The following SLC35F1 variants were observed in gnomAD, a reference collection of about 807,000 sequenced individuals.
SLC35F1 encodes the protein solute carrier family 35 member F1.
In SLC35F1, 14 loss-of-function variants were observed where a neutral mutation model predicts 48.7. The observed-to-expected ratio is 0.29, with a 90% confidence interval of 0.19 to 0.45. The LOEUF (loss-of-function observed/expected upper bound fraction) is 0.45, where lower values mean the gene tolerates loss of function less well. Among genes scored for constraint, SLC35F1 ranks in the 20% least tolerant of loss-of-function variants. The pLI, the probability that SLC35F1 is intolerant of heterozygous loss-of-function variation, is 1.00. For synonymous variants in SLC35F1, 190 were observed against 202.2 expected (o/e 0.94, Z 0.51); for missense variants, 404 against 500.0 (o/e 0.81, Z 1.83).
chr6:118,069,692 A>C (rs1772670076), intron 1 of SLC35F1, among the ~76,000 whole-genome samples: 1 of 152,230 alleles, frequency 6.6e-6, no homozygotes, highest in African/African-American at 2.4e-5. Flanking sequence ...TTGCAGCAGA[A>C]ATAATTATAC....
chr6:118,151,928 G>A (rs933587805), intron 1 of SLC35F1, among the ~76,000 whole-genome samples: 2 of 151,440 alleles, frequency 1.3e-5, no homozygotes, highest in African/African-American at 2.4e-5. Context: ...TGTTGCCTAC[G>A]CCTCCTCTGC....
intron 2 of SLC35F1, among the ~76,000 whole-genome samples, chr6:118,231,854 G>A (rs1775296763): frequency 6.6e-6 from 1 of 152,072 alleles, no homozygotes; most frequent in East Asian, 1.9e-4. Flanking sequence ...CTGGGACAAG[G>A]GTCTGTGACT....
chr6:117,959,162 T>C (rs887962934), intron 1 of SLC35F1, among the ~76,000 whole-genome samples: 30 of 152,172 alleles, frequency 2.0e-4, no homozygotes, highest in African/African-American at 7.2e-4. Context: ...ATCAAGCTGA[T>C]CTAAATCATG....
intron 7 of SLC35F1, among the ~76,000 whole-genome samples, chr6:118,299,945 C>G (rs1031885791): frequency 1.1e-4 from 16 of 152,278 alleles, no homozygotes; most frequent in Middle Eastern, 3.4e-3. Flanking sequence ...TAGTACTTCT[C>G]TCATTAATTG....
chr6:118,009,464 T>A (rs933398192), intron 1 of SLC35F1, among the ~76,000 whole-genome samples: 1 of 152,110 alleles, frequency 6.6e-6, no homozygotes, highest in African/African-American at 2.4e-5. Context: ...TCTAAGGAAA[T>A]CTAAGTAGAA....
chr6:118,084,337 C>T (rs6938699), intron 1 of SLC35F1, among the ~76,000 whole-genome samples: 56,725 of 151,832 alleles, frequency 0.37, 10,967 homozygotes, highest in East Asian at 0.45. Flanking sequence ...TCTTTCATAT[C>T]AAATTGGAAT....
At chr6:118,019,599 G>A (rs1337617229) in intron 1 of SLC35F1, among the ~76,000 whole-genome samples, 1 of 152,022 alleles carries the variant, frequency 6.6e-6, no homozygotes, top group East Asian at 1.9e-4. Context: ...TCCAGCCTGG[G>A]TGACAGAGCA....
intron 1 of SLC35F1, among the ~76,000 whole-genome samples, chr6:118,095,994 GA>G (rs1773171146): frequency 6.6e-6 from 1 of 152,180 alleles, no homozygotes; most frequent in South Asian, 2.1e-4. Context: ...TACTTTGACA[GA>G]AGTAAGCTAA....
intron 1 of SLC35F1, among the ~76,000 whole-genome samples, chr6:118,027,942 G>A (rs927092357): frequency 1.3e-4 from 20 of 152,050 alleles, no homozygotes; most frequent in Admixed American, 9.2e-4. Flanking sequence ...TAACCCAAGG[G>A]GATTACAAAT....
chr6:118,281,204 C>CTCTATATATA (rs367855949), intron 6 of SLC35F1, among the ~76,000 whole-genome samples: 150 of 130,482 alleles, frequency 1.1e-3, no homozygotes, highest in South Asian at 7.8e-3. Flanking sequence ...CTCTCTCTCT[C>CTCTATATATA]TATATATATA....
In SLC35F1 at chr6:118,177,756, G is replaced by A. The variant is rs79814931; in HGVS notation, c.349+23136G>A. On this transcript the variant is annotated intron_variant, in intron 2 of 7. Transcript: ENST00000360388. ...TGTTATAGTTCCATTGTTCTACATC[G>A]TTTTTGTTTTTTTTTAACTTACTAC... is the stretch of plus-strand genomic sequence containing the variant. Among the ~76,000 whole-genome samples the A allele has an allele frequency of 4.8e-3, 735 of 151,748 alleles. 3 individuals are homozygous for A. Among genetic ancestry groups the A allele is most frequent in the African/African-American group, 0.017 (695 of 41,360 alleles).
At chr6:118,168,821 T>A (rs956122796) in intron 2 of SLC35F1, among the ~76,000 whole-genome samples, 1 of 152,204 alleles carries the variant, frequency 6.6e-6, no homozygotes, top group Admixed American at 6.5e-5. Flanking sequence ...TCCCATAAAA[T>A]ATTAGAAAAC....
chr6:118,157,969 G>A (rs1193401124), intron 2 of SLC35F1, among the ~76,000 whole-genome samples: 3 of 152,182 alleles, frequency 2.0e-5, no homozygotes, highest in Non-Finnish European at 4.4e-5. Context: ...GTTGGAGGTG[G>A]ACAGGAAGAA....
At chr6:118,027,330 T>C (rs1582626549) in intron 1 of SLC35F1, among the ~76,000 whole-genome samples, 1 of 152,148 alleles carries the variant, frequency 6.6e-6, no homozygotes, top group African/African-American at 2.4e-5. Context: ...CTGTGTCATA[T>C]AGCAAATGTT....
intron 2 of SLC35F1, among the ~76,000 whole-genome samples, chr6:118,202,200 A>G (rs1020992761): frequency 6.6e-6 from 1 of 152,208 alleles, no homozygotes; most frequent in African/African-American, 2.4e-5. Context: ...TGTTTCCCAA[A>G]GTGGCTGCAC....
At chr6:118,025,447 T>C (rs1005605374) in intron 1 of SLC35F1, among the ~76,000 whole-genome samples, 10 of 152,188 alleles carry the variant, frequency 6.6e-5, no homozygotes, top group Admixed American at 2.6e-4. Flanking sequence ...GGCTGAGATA[T>C]AGTATTTGTC....
At chr6:117,946,934 C>A (rs1205289122) in intron 1 of SLC35F1, among the ~76,000 whole-genome samples, 10 of 152,132 alleles carry the variant, frequency 6.6e-5, no homozygotes, top group Non-Finnish European at 1.3e-4. Flanking sequence ...CTGTGCCAAG[C>A]ACATTTTTAG....
chr6:118,293,966 C>T (rs1290358978), intron 7 of SLC35F1, among the ~76,000 whole-genome samples: 3 of 152,156 alleles, frequency 2.0e-5, no homozygotes, highest in African/African-American at 7.2e-5. Context: ...TCTGTGTATG[C>T]TTTAAGTTAT....
intron 7 of SLC35F1, among the ~76,000 whole-genome samples, chr6:118,299,401 G>T (rs1309382568): frequency 6.6e-6 from 1 of 152,138 alleles, no homozygotes; most frequent in Non-Finnish European, 1.5e-5. Context: ...CCATAAATTT[G>T]TTGTGCCATG....
Sources: gnomAD v4.1 joint callset for allele counts (sites outside exome capture counted in the v4.1 genomes callset) on GRCh38, gnomAD v4.1.1 for gene constraint, MANE v1.5 for transcripts, NCBI Gene and HGNC (gene_info 2026-07-23, HGNC 2026-07-21) for gene names.